The following WHRN variants were observed in gnomAD, a reference collection of about 807,000 sequenced individuals.
The protein encoded by WHRN is CASK-interacting protein CIP98.
In WHRN, 41 loss-of-function variants were observed where a neutral mutation model predicts 68.3. The ratio of observed to expected loss-of-function variants is 0.60; its 90% confidence interval spans 0.47 to 0.78. The LOEUF is 0.78. Among genes scored for constraint, WHRN ranks in the 30% least tolerant of loss-of-function variants. The pLI, the probability that WHRN is intolerant of heterozygous loss-of-function variation, is 0.00. For missense variants in WHRN, 1,243 were observed against 1,244.7 expected (o/e 1.00, Z 0.02); for synonymous variants, 560 against 561.3 (o/e 1.00, Z 0.03).
Position 114,504,284 on chromosome 9 carries a change from G to A in WHRN, c.518C>T (p.Pro173Leu). Residue 173 changes from proline (P) to leucine (L), a missense_variant, in exon 1 of 12, where the codon CCA (proline) becomes CTA (leucine). Pro to Leu is a moderately conservative substitution (Grantham distance 98). Transcript: ENST00000362057. The part of the protein sequence containing the change: ...GVGIYVSLVE[P>L]GSLAEKEGLR... ...TCCTTCCTTCTCAGCTAGAGAGCCT[G>A]GTTCCACCAGAGACACGTAGATGCC... 2 of 1,613,976 alleles carry A rather than the reference G, an allele frequency of 1.2e-6. No individual in the cohort carries two copies. The highest frequency in any genetic ancestry group is 8.5e-7 in the Non-Finnish European group (1 of 1,180,042).
intron 1 of WHRN, among the ~76,000 whole-genome samples, chr9:114,498,833 C>G (rs571733723): frequency 6.6e-6 from 1 of 152,116 alleles, no homozygotes; most frequent in Non-Finnish European, 1.5e-5. Context: ...TCTCCTTGAG[C>G]ATGACCCTCC....
At chr9:114,417,089 T>C (rs1319860257) in intron 7 of WHRN, among the ~76,000 whole-genome samples, 1 of 152,206 alleles carries the variant, frequency 6.6e-6, no homozygotes, top group Non-Finnish European at 1.5e-5. Context: ...AATGATATTG[T>C]GTGAAGGCAG....
At chr9:114,406,307 A>T in intron 9 of WHRN, 48 bp downstream of exon 9, 1 of 1,611,712 alleles carries the variant, frequency 6.2e-7, no homozygotes. Context: ...TGACCTGAAG[A>T]GGACAGGGAC....
intron 1 of WHRN, among the ~76,000 whole-genome samples, chr9:114,484,392 T>TC (rs973844697): frequency 1.1e-4 from 16 of 152,252 alleles, no homozygotes; most frequent in African/African-American, 3.6e-4. Flanking sequence ...CTGTGCCACC[T>TC]CACACAAGTT....
intron 2 of WHRN, among the ~76,000 whole-genome samples, chr9:114,476,195 T>TG (rs1311732682): frequency 6.6e-6 from 1 of 152,016 alleles, no homozygotes; most frequent in Non-Finnish European, 1.5e-5. Context: ...CTCAAACTCC[T>TG]GGGCTCAAGC....
At chr9:114,489,450 C>T (rs1842783608) in intron 1 of WHRN, among the ~76,000 whole-genome samples, 1 of 148,258 alleles carries the variant, frequency 6.7e-6, no homozygotes, top group African/African-American at 2.5e-5. Flanking sequence ...CTATCAAAGG[C>T]ACCACACACA....
intron 3 of WHRN, among the ~76,000 whole-genome samples, chr9:114,456,758 G>A (rs942152794): frequency 4.8e-4 from 73 of 151,982 alleles, no homozygotes; most frequent in African/African-American, 1.7e-3. Flanking sequence ...GAACCCGGGA[G>A]GTGGAGGTTG....
At chr9:114,492,112 T>C (rs552897677) in intron 1 of WHRN, among the ~76,000 whole-genome samples, 2 of 149,672 alleles carry the variant, frequency 1.3e-5, no homozygotes, top group East Asian at 2.0e-4. Flanking sequence ...GGAAAAGAAA[T>C]ATAATACCCA....
rs946096121 is a variant in WHRN at position 114,488,505 on chromosome 9, C to T, written c.619-9734G>A. Reference sequence around the variant, plus strand: ...CAGCAGTTTAAGGGGATTCACACCCCCTTAAACACCAGGCCAATCCTACAC... The same window carrying T: ...CAGCAGTTTAAGGGGATTCACACCCTCTTAAACACCAGGCCAATCCTACAC... On this transcript the variant is annotated intron_variant, in intron 1 of 11. Transcript: ENST00000362057. Among the ~76,000 whole-genome samples, 18 of 152,190 alleles carry T rather than the reference C, an allele frequency of 1.2e-4. 1 individual carries two copies. Among genetic ancestry groups the T allele is most frequent in the African/African-American group, 3.4e-4 (14 of 41,532 alleles).
intron 3 of WHRN, among the ~76,000 whole-genome samples, chr9:114,441,267 T>G (rs1372346573): frequency 6.6e-6 from 1 of 151,792 alleles, no homozygotes; most frequent in East Asian, 1.9e-4. Context: ...GTTAAGTTTT[T>G]GGAGAATCAA....
chr9:114,471,716 C>T (rs1466618800), intron 2 of WHRN, among the ~76,000 whole-genome samples: 2 of 152,232 alleles, frequency 1.3e-5, no homozygotes, highest in African/African-American at 4.8e-5. Flanking sequence ...GTTATCCATT[C>T]CCTTATACCA....
intron 4 of WHRN, 87 bp downstream of exon 4, chr9:114,426,124 G>T: frequency 6.4e-7 from 1 of 1,572,246 alleles, no homozygotes. Context: ...AGGAGAGCCA[G>T]GGCGGTGGAG....
chr9:114,471,203 T>G (rs1841191539), intron 2 of WHRN, among the ~76,000 whole-genome samples: 1 of 152,122 alleles, frequency 6.6e-6, no homozygotes, highest in Admixed American at 6.5e-5. Flanking sequence ...CTACTGCTAA[T>G]AATATTAATA....
At chr9:114,450,923 T>A (rs1301223464) in intron 3 of WHRN, among the ~76,000 whole-genome samples, 1 of 152,200 alleles carries the variant, frequency 6.6e-6, no homozygotes. Flanking sequence ...CATGCTCTCA[T>A]GTGGGAATGA....
rs1834781751 is a variant in WHRN, at chr9:114,402,998, C to G, written c.2542-62G>C. ...GGTTAGACAGGCCTGGCTTTGACCA[C>G]CAACTGGGTCAGTCCCAACACTGCC... On this transcript the variant is annotated intron_variant, in intron 11 of 11. Transcript: ENST00000362057. 3.2e-6 allele frequency: 5 copies of G among 1,564,894 alleles called. 1 individual carries two copies. The South Asian group carries it at 5.7e-5, about 18-fold the overall frequency.
rs1176057337 is a variant in WHRN at position 114,424,565 on chromosome 9, G to C, written c.1204-19C>G. ...ATCCTGGCTGCAAGACAGAAAGATAGAAGCCCAGGAATTCTTAGCTGCTCT... is the reference window on the plus strand; with the variant it reads ...ATCCTGGCTGCAAGACAGAAAGATACAAGCCCAGGAATTCTTAGCTGCTCT... On this transcript the variant is annotated intron_variant, in intron 5 of 11. Coordinates refer to ENST00000362057, the MANE Select transcript of WHRN (RefSeq NM_015404.4). The C allele has an allele frequency of 7.5e-6, 12 of 1,592,990 alleles. No homozygotes were observed. Among genetic ancestry groups the C allele is most frequent in the Non-Finnish European group, 1.0e-5 (12 of 1,169,528 alleles).
At chr9:114,446,168 C>G (rs962734438) in intron 3 of WHRN, among the ~76,000 whole-genome samples, 2 of 152,146 alleles carry the variant, frequency 1.3e-5, no homozygotes, top group African/African-American at 2.4e-5. Context: ...CACCATACAA[C>G]AGAATACTAT....
chr9:114,429,749 C>T (rs1369720571), intron 3 of WHRN, among the ~76,000 whole-genome samples: 1 of 152,206 alleles, frequency 6.6e-6, no homozygotes, highest in Non-Finnish European at 1.5e-5. Flanking sequence ...CTCGCCTCTG[C>T]AGCTCCCTCC....
chr9:114,406,243 T>G, intron 9 of WHRN, 112 bp downstream of exon 9: 25 of 1,481,232 alleles, frequency 1.7e-5, no homozygotes, highest in Middle Eastern at 2.0e-4. Flanking sequence ...ACTCTGGCCC[T>G]GAGCCCCCTC....
Sources: gnomAD v4.1 joint callset for allele counts (sites outside exome capture counted in the v4.1 genomes callset) on GRCh38, gnomAD v4.1.1 for gene constraint, MANE v1.5 for transcripts, NCBI Gene and HGNC (gene_info 2026-07-23, HGNC 2026-07-21) for gene names.